Variants in OR10J1 observed in about 807,000 individuals in gnomAD.
The protein encoded by OR10J1 is olfactory receptor family 10 subfamily J member 1.
For synonymous variants in OR10J1, 202 were observed against 143.8 expected (o/e 1.40, Z -2.89); for missense variants, 474 against 376.6 (o/e 1.26, Z -2.14).
At chr1:159,439,660 A>C, upstream of OR10J1, 1 of 1,069,160 alleles carries the variant, frequency 9.4e-7, no homozygotes, top group Non-Finnish European at 1.4e-6. Flanking sequence ...AACTTAATCC[A>C]CTAGGAAATA....
the OR10J1 span, among the ~76,000 whole-genome samples, chr1:159,426,247 A>G: frequency 6.6e-6 from 1 of 151,938 alleles, no homozygotes; most frequent in Non-Finnish European, 1.5e-5. Flanking sequence ...AAGCTAATTA[A>G]TGGAAACACA....
chr1:159,439,113 G>C (rs1032104629), upstream of OR10J1, among the ~76,000 whole-genome samples: 1 of 152,188 alleles, frequency 6.6e-6, no homozygotes, highest in Non-Finnish European at 1.5e-5. Context: ...CAGAAGTGGG[G>C]AGAGGCTGGT....
At chr1:159,413,296 C>G in the OR10J1 span, among the ~76,000 whole-genome samples, 2 of 151,988 alleles carry the variant, frequency 1.3e-5, no homozygotes, top group Admixed American at 1.3e-4. Context: ...CCTCAGGGAT[C>G]TAGAACTAGA....
chr1:159,421,485 T>C, the OR10J1 span, among the ~76,000 whole-genome samples: 1 of 152,220 alleles, frequency 6.6e-6, no homozygotes, highest in African/African-American at 2.4e-5. Flanking sequence ...TGTTCTTCCA[T>C]TGATATCTGC....
At chr1:159,430,255 C>T in the OR10J1 span, among the ~76,000 whole-genome samples, 6 of 151,990 alleles carry the variant, frequency 3.9e-5, no homozygotes, top group South Asian at 1.2e-3. Flanking sequence ...AATGCCTTAT[C>T]CAGCATATTC....
chr1:159,411,632 T>C, the OR10J1 span, among the ~76,000 whole-genome samples: 1 of 152,168 alleles, frequency 6.6e-6, no homozygotes, highest in Admixed American at 6.6e-5. Context: ...AGCACACTGA[T>C]GAGTCTTGAC....
chr1:159,424,025 G>T, the OR10J1 span, among the ~76,000 whole-genome samples: 1 of 152,192 alleles, frequency 6.6e-6, no homozygotes, highest in East Asian at 1.9e-4. Context: ...GACCAGCCTG[G>T]CCAAGATGGT....
Position 159,439,780 on chromosome 1 carries a change from G to T in OR10J1, c.-12G>T. Reference sequence around the variant, plus strand: ...TTTTATGCTTTTATGTTTCAGATTTGGGAACCAATCCATGAAAAGAGAGAA... The same window carrying T: ...TTTTATGCTTTTATGTTTCAGATTTTGGAACCAATCCATGAAAAGAGAGAA... On this transcript the variant is annotated 5_prime_UTR_variant, in exon 1 of 1. Coordinates refer to ENST00000423932, the MANE Select transcript of OR10J1 (RefSeq NM_012351.3). The T allele has an allele frequency of 6.2e-7, 1 of 1,613,612 alleles. No individual in the cohort carries two copies. Among genetic ancestry groups the T allele is most frequent in the South Asian group, 1.1e-5 (1 of 91,056 alleles).
At chr1:159,412,988 C>G in the OR10J1 span, among the ~76,000 whole-genome samples, 1 of 151,770 alleles carries the variant, frequency 6.6e-6, no homozygotes, top group African/African-American at 2.4e-5. Flanking sequence ...AACAAATTTA[C>G]AAGAAAAAAA....
At chr1:159,412,656 C>T in the OR10J1 span, among the ~76,000 whole-genome samples, 6 of 151,690 alleles carry the variant, frequency 4.0e-5, no homozygotes, top group South Asian at 1.2e-3. Flanking sequence ...GAAACTGGAT[C>T]CCTTCCTTAC....
At chr1:159,432,649 C>G in the OR10J1 span, 1 of 439,290 alleles carries the variant, frequency 2.3e-6, no homozygotes, top group Non-Finnish European at 4.1e-6. Context: ...GTCAGTGGAT[C>G]CTGGAACATT....
chr1:159,412,361 A>G, the OR10J1 span, among the ~76,000 whole-genome samples: 143 of 151,676 alleles, frequency 9.4e-4, 3 homozygotes, highest in African/African-American at 2.1e-3. Flanking sequence ...TGCAACCAAA[A>G]AGAGCCCGCA....
In OR10J1 at chr1:159,440,907, AT is replaced by A; in HGVS notation, c.*191del. On this transcript the variant is annotated 3_prime_UTR_variant, in exon 1 of 1. Transcript: ENST00000423932. ...AGTTACTGGATGGAGTGTTATCCCTATTTTTGGGGATAAATAGACAAACAAG... is the reference window on the plus strand; with the variant it reads ...AGTTACTGGATGGAGTGTTATCCCTATTTTGGGGATAAATAGACAAACAAG... The A allele has an allele frequency of 1.8e-6, 1 of 568,628 alleles. No individual in the cohort carries two copies. The highest frequency in any genetic ancestry group is 3.4e-5 in the South Asian group (1 of 29,408). 35.2% of individuals were successfully genotyped at this position (568,628 alleles called of 1,614,324 possible).
At chr1:159,398,990 A>G in the OR10J1 span, among the ~76,000 whole-genome samples, 1 of 152,162 alleles carries the variant, frequency 6.6e-6, no homozygotes, top group Non-Finnish European at 1.5e-5. Context: ...GGCATTTAAT[A>G]ATCAAACTTC....
chr1:159,399,442 G>A, the OR10J1 span, among the ~76,000 whole-genome samples: 8 of 151,802 alleles, frequency 5.3e-5, no homozygotes, highest in Non-Finnish European at 1.2e-4. Flanking sequence ...ATCGTGGTGG[G>A]CACCTGTAGT....
upstream of OR10J1, among the ~76,000 whole-genome samples, chr1:159,436,266 G>A (rs1256676156): frequency 6.6e-6 from 1 of 151,896 alleles, no homozygotes; most frequent in Non-Finnish European, 1.5e-5. Context: ...CATTTTCTTT[G>A]CTTCATCTGT....
At chr1:159,438,577 T>C (rs1209203856), upstream of OR10J1, among the ~76,000 whole-genome samples, 1 of 152,246 alleles carries the variant, frequency 6.6e-6, no homozygotes, top group South Asian at 2.1e-4. Context: ...TTGGAAAATA[T>C]TCTCTATTGC....
the OR10J1 span, among the ~76,000 whole-genome samples, chr1:159,425,420 A>G: frequency 6.6e-6 from 1 of 152,138 alleles, no homozygotes; most frequent in African/African-American, 2.4e-5. Flanking sequence ...CAAAATAACT[A>G]GAAGGCTAAA....
chr1:159,398,039 C>T, the OR10J1 span, among the ~76,000 whole-genome samples: 2 of 152,230 alleles, frequency 1.3e-5, no homozygotes, highest in East Asian at 3.9e-4. Flanking sequence ...CTGTAGGTGG[C>T]TCAGAAAAGA....
Sources: gnomAD v4.1 joint callset for allele counts (sites outside exome capture counted in the v4.1 genomes callset) on GRCh38, gnomAD v4.1.1 for gene constraint, MANE v1.5 for transcripts, NCBI Gene and HGNC (gene_info 2026-07-23, HGNC 2026-07-21) for gene names.